The following DHX29 variants were observed in gnomAD, a reference collection of about 807,000 sequenced individuals.
DHX29 encodes the protein ATP-dependent RNA helicase DHX29.
In DHX29, 79 loss-of-function variants were observed where a neutral mutation model predicts 167.9. The observed-to-expected ratio is 0.47, with a 90% confidence interval of 0.39 to 0.57. DHX29 has a LOEUF of 0.57. Among genes scored for constraint, DHX29 ranks in the 20% least tolerant of loss-of-function variants. DHX29 has a pLI of 0.00. For missense variants in DHX29, 1,347 were observed against 1,593.4 expected (o/e 0.85, Z 2.63); for synonymous variants, 530 against 546.0 (o/e 0.97, Z 0.41).
At chr5:55,298,284 T>C (rs1440415690) in intron 2 of DHX29, among the ~76,000 whole-genome samples, 1 of 152,156 alleles carries the variant, frequency 6.6e-6, no homozygotes, top group African/African-American at 2.4e-5. Context: ...AGATGTCCCA[T>C]GAACTAAAAT....
Position 55,285,765 on chromosome 5 carries a change from C to G in DHX29, c.1163G>C (p.Arg388Thr), listed in dbSNP as rs149807590. ...ATTTGGACTCTTGGGAAGATTCTTC[C>G]TGACCCAATCAATCAGAAATTGTTT... Reference protein sequence around the residue: ...SPKQFLIDWVRKNLPKSPNPS... With the variant: ...SPKQFLIDWVTKNLPKSPNPS... The change falls in exon 9 of 27, where the codon AGG becomes ACG. Residue 388 changes from arginine to threonine, a missense_variant. Physicochemically the swap from Arg to Thr is moderately conservative, Grantham distance 71. Around this residue, in one of 3 missense-constraint regions of DHX29, gnomAD observed 60 missense variants for 94.2 expected, o/e 0.64. Coordinates refer to ENST00000251636, the MANE Select transcript of DHX29 (RefSeq NM_019030.4). 78 of 1,605,484 alleles carry G rather than the reference C, an allele frequency of 4.9e-5. 1 individual carries two copies. The Middle Eastern group carries it at 6.7e-4, about 14-fold the overall frequency.
chr5:55,294,272 C>T, intron 5 of DHX29, 127 bp from the exon 6 acceptor site: 1 of 913,284 alleles, frequency 1.1e-6, no homozygotes, highest in Non-Finnish European at 1.6e-6. Flanking sequence ...TTCCTTATTG[C>T]TCAGTGAAGG....
At chr5:55,262,114 T>C (rs1233925865) in intron 24 of DHX29, among the ~76,000 whole-genome samples, 1 of 152,184 alleles carries the variant, frequency 6.6e-6, no homozygotes, top group East Asian at 1.9e-4. Flanking sequence ...TCTTAACCTT[T>C]ACCATATGTT....
Position 55,307,636 on chromosome 5 carries a change from G to A in DHX29, c.-63C>T, listed in dbSNP as rs997479714. ...CCCGACGGTACCACTGCACAGCCGAGAGCTCTTCACATTCCCCGGCTCCGG... is the reference window on the plus strand; with the variant it reads ...CCCGACGGTACCACTGCACAGCCGAAAGCTCTTCACATTCCCCGGCTCCGG... On this transcript the variant is annotated 5_prime_UTR_variant, in exon 1 of 27. Transcript: ENST00000251636. 1.5e-5 allele frequency: 23 copies of A among 1,585,130 alleles called. No homozygotes were observed. In the African/African-American group the frequency reaches 2.8e-4, roughly 20 times the overall value.
chr5:55,286,468 C>A (rs1747736191), intron 8 of DHX29, among the ~76,000 whole-genome samples: 1 of 152,184 alleles, frequency 6.6e-6, no homozygotes, highest in Non-Finnish European at 1.5e-5. Flanking sequence ...TGGAAGGCTA[C>A]TCTGTAGTTA....
In DHX29 at chr5:55,279,395, C is replaced by T. The variant is rs1443327304; in HGVS notation, c.2109+1977G>A. 6 of 151,928 alleles carry T rather than the reference C, an allele frequency of 3.9e-5. No individual in the cohort carries two copies. In the East Asian group the frequency reaches 5.8e-4, roughly 15 times the overall value. The allele number at this position is 151,928 out of a possible 1,614,324, so 9.4% of individuals were successfully genotyped here. On this transcript the variant is annotated intron_variant, in intron 12 of 26. Coordinates refer to ENST00000251636, the MANE Select transcript of DHX29 (RefSeq NM_019030.4). ...ACTGCTGAGTTTGGAGTTCTGGAGA[C>T]GGTATCTAGACGGTAGCTAGATATT...
intron 12 of DHX29, among the ~76,000 whole-genome samples, chr5:55,278,795 T>C (rs139772261): frequency 9.2e-5 from 14 of 152,290 alleles, no homozygotes; most frequent in Non-Finnish European, 1.3e-4. Flanking sequence ...TATGAATTCA[T>C]GGTAGAAAGA....
chr5:55,307,272 T>A, intron 1 of DHX29, 115 bp downstream of exon 1: 1 of 868,292 alleles, frequency 1.2e-6, no homozygotes, highest in East Asian at 2.7e-5. Context: ...GCAGCTCGAG[T>A]GTTGGGAAAT....
chr5:55,289,294 C>A lies in DHX29; in HGVS notation c.1042G>T (p.Ala348Ser), dbSNP rs145554968. Residue 348 changes from alanine to serine, a missense_variant, in exon 8 of 27, where the codon GCA (alanine) becomes TCA (serine). Physicochemically the swap from Ala to Ser is moderately conservative, Grantham distance 99. Coordinates refer to ENST00000251636, the MANE Select transcript of DHX29 (RefSeq NM_019030.4). ...CCTTTCTCTTCTTCAGTAGCAGCTG[C>A]AGATTTTTCAAATAAATTAAAATTC... ...ALNFNLFEKS[A>S]AATEEEKDKK... 1.0e-4 allele frequency: 157 copies of A among 1,575,928 alleles called. No homozygotes were observed. In the African/African-American group the frequency reaches 2.1e-3, roughly 21 times the overall value.
At chr5:55,269,662 T>C in intron 20 of DHX29, 25 bp from the exon 21 acceptor site, 2 of 1,586,172 alleles carry the variant, frequency 1.3e-6, no homozygotes, top group Non-Finnish European at 1.7e-6. Flanking sequence ...AGCAATAAAA[T>C]TGGTATGAAA....
At chr5:55,295,044 A>C in intron 5 of DHX29, 1 of 192,482 alleles carries the variant, frequency 5.2e-6, no homozygotes, top group East Asian at 1.3e-4. Flanking sequence ...ATGTAAACAG[A>C]GGGATGCCTG....
At position 55,285,418 on chromosome 5, in the gene DHX29, T is replaced by A; in HGVS notation, c.1233-2A>T. 6.3e-7 allele frequency: 1 copy of A among 1,594,838 alleles called. No homozygotes were observed. The highest frequency in any genetic ancestry group is 8.5e-7 in the Non-Finnish European group (1 of 1,172,298). On this transcript the variant is annotated splice_acceptor_variant, in intron 9 of 26. Coordinates refer to ENST00000251636, the MANE Select transcript of DHX29 (RefSeq NM_019030.4). LOFTEE classifies it high-confidence loss of function. ...TCTTCAGACTTGATTACCCTAACCC[T>A]ACAAAGAAGCAAACGCATTTTAAAA...
chr5:55,286,726 T>C (rs938547490), intron 8 of DHX29, among the ~76,000 whole-genome samples: 2 of 152,282 alleles, frequency 1.3e-5, no homozygotes, highest in Non-Finnish European at 2.9e-5. Context: ...TGGTTAAATG[T>C]AAATTATTCA....
chr5:55,293,143 A>G (rs1284294225), intron 6 of DHX29, among the ~76,000 whole-genome samples: 2 of 152,248 alleles, frequency 1.3e-5, no homozygotes, highest in African/African-American at 2.4e-5. Flanking sequence ...AATTCATCAG[A>G]TTACACATGC....
chr5:55,297,323 CTT>C lies in DHX29; in HGVS notation c.335_336del (p.Lys112ArgfsTer25). On this transcript the variant is annotated frameshift_variant, in exon 3 of 27. Coordinates refer to ENST00000251636, the MANE Select transcript of DHX29 (RefSeq NM_019030.4). LOFTEE classifies it high-confidence loss of function. Reference protein sequence around the residue: ...INEHKKQNNDKGMISGRLTAK... With the variant: ...INEHKKQNNDXGMISGRLTAK... ...GCAGTAAGTCTTCCAGAAATCATTC[CTT>C]TGTCATTATTTTGCTTTTTATGCTC... The C allele has an allele frequency of 6.3e-7, 1 of 1,598,814 alleles. No individual in the cohort carries two copies. Among genetic ancestry groups the C allele is most frequent in the Non-Finnish European group, 8.6e-7 (1 of 1,168,110 alleles).
intron 1 of DHX29, among the ~76,000 whole-genome samples, 181 bp downstream of exon 1, chr5:55,307,206 G>C (rs1178610004): frequency 6.6e-6 from 1 of 152,212 alleles, no homozygotes; most frequent in African/African-American, 2.4e-5. Flanking sequence ...GAATTTTGGA[G>C]GCCCAAAGAG....
chr5:55,256,490 A>T lies in DHX29; in HGVS notation c.4108T>A (p.Ter1370ArgextTer2), dbSNP rs781292237. 1.5e-5 allele frequency: 24 copies of T among 1,594,334 alleles called. No homozygotes were observed. Among genetic ancestry groups the T allele is most frequent in the Non-Finnish European group, 2.0e-5 (24 of 1,173,590 alleles). The change falls in exon 27 of 27, where the codon TGA (stop) becomes AGA (arginine). Residue 1370 changes from the stop codon to arginine (R), a stop_lost. Coordinates refer to ENST00000251636, the MANE Select transcript of DHX29 (RefSeq NM_019030.4). The part of the protein sequence containing the change: ...ITELIKTENN[*>R] Reference sequence around the variant, plus strand: ...GCAGTTGACCATGAATTTCAGTTTCAGTTATTCTCTGTTTTTATCAATTCC... The same window carrying T: ...GCAGTTGACCATGAATTTCAGTTTCTGTTATTCTCTGTTTTTATCAATTCC...
chr5:55,278,230 A>G (rs1412739733), intron 12 of DHX29, among the ~76,000 whole-genome samples: 1 of 152,180 alleles, frequency 6.6e-6, no homozygotes, highest in East Asian at 1.9e-4. Flanking sequence ...TTTCTACTCT[A>G]TTTTATAACA....
intron 8 of DHX29, among the ~76,000 whole-genome samples, chr5:55,288,654 T>C (rs1747871142): frequency 6.6e-6 from 1 of 152,124 alleles, no homozygotes. Context: ...TCAAAAATTT[T>C]TTAAAAAAAT....
Sources: allele counts gnomAD v4.1 joint callset (sites outside exome capture counted in the v4.1 genomes callset), GRCh38; gene constraint gnomAD v4.1.1; regional missense constraint gnomAD v4.1.1; transcripts MANE v1.5; gene names NCBI Gene and HGNC (gene_info 2026-07-23, HGNC 2026-07-21).